Variants in PDE7A observed in about 807,000 individuals in gnomAD.
PDE7A encodes high affinity 3',5'-cyclic-AMP phosphodiesterase 7A.
A neutral mutation model predicts 64.3 loss-of-function variants in PDE7A; 39 were observed. The ratio of observed to expected loss-of-function variants is 0.61; its 90% CI spans 0.47 to 0.79. PDE7A has a LOEUF of 0.79. PDE7A is among the 30% of genes least tolerant of loss of function. The probability of loss-of-function intolerance (pLI) is 0.00; values close to 1 mark genes in which losing one functional copy is unlikely to be tolerated. For missense variants in PDE7A, 470 were observed against 582.8 expected (o/e 0.81, Z 1.99); for synonymous variants, 203 against 206.8 (o/e 0.98, Z 0.16).
At chr8:65,771,613 C>T (rs911107208) in intron 3 of PDE7A, among the ~76,000 whole-genome samples, 2 of 152,022 alleles carry the variant, frequency 1.3e-5, no homozygotes, top group African/African-American at 2.4e-5. Context: ...CGGTGGCTCA[C>T]GCATGTAATC....
At chr8:65,755,026 T>G (rs538785732) in intron 3 of PDE7A, among the ~76,000 whole-genome samples, 2 of 101,424 alleles carry the variant, frequency 2.0e-5, no homozygotes, top group Non-Finnish European at 4.1e-5. Flanking sequence ...TTTCACTTAT[T>G]TTTTTTTTTT....
At chr8:65,769,580 C>T (rs1808977086) in intron 3 of PDE7A, among the ~76,000 whole-genome samples, 2 of 152,156 alleles carry the variant, frequency 1.3e-5, no homozygotes, top group Admixed American at 1.3e-4. Context: ...CAGAACTGGC[C>T]TAAATTTCAG....
At chr8:65,832,750 G>A (rs535171932) in intron 1 of PDE7A, among the ~76,000 whole-genome samples, 2 of 152,250 alleles carry the variant, frequency 1.3e-5, no homozygotes, top group Admixed American at 1.3e-4. Context: ...AGCCTCACAA[G>A]TGTTGGGATT....
At chr8:65,735,200 G>T (rs1482071224) in intron 6 of PDE7A, among the ~76,000 whole-genome samples, 2 of 152,186 alleles carry the variant, frequency 1.3e-5, no homozygotes, top group Non-Finnish European at 2.9e-5. Context: ...TCAAAGGAAA[G>T]CGAGCCTACC....
chr8:65,789,097 C>T, intron 1 of PDE7A: 1 of 1,369,538 alleles, frequency 7.3e-7, no homozygotes, highest in South Asian at 1.9e-5. Flanking sequence ...CAGTGATCAC[C>T]TGACTCCTCT....
In PDE7A at chr8:65,782,834, C is replaced by T; in HGVS notation, c.148G>A (p.Ala50Thr). 6.3e-7 allele frequency: 1 copy of T among 1,576,956 alleles called. No homozygotes were observed. Among genetic ancestry groups the T allele is most frequent in the Non-Finnish European group, 8.7e-7 (1 of 1,148,684 alleles). The change falls in exon 2 of 13, where the codon GCT becomes ACT. Residue 50 changes from alanine (A) to threonine (T), a missense_variant. Ala to Thr is a moderately conservative substitution (Grantham distance 58). Transcript: ENST00000401827. Reference protein sequence around the residue: ...NPRQLSQRRGAISYDSSDQTA... With the variant: ...NPRQLSQRRGTISYDSSDQTA... ...TGATCAGAACTGTCATAGGAAATAG[C>T]TCCACGCCTCTAGAAAAAAAAATAC...
Position 65,739,612 on chromosome 8 carries a change from G to T in PDE7A, c.500-15C>A. 2 of 1,500,910 alleles carry T rather than the reference G, an allele frequency of 1.3e-6. No homozygotes were observed. Among genetic ancestry groups the T allele is most frequent in the African/African-American group, 1.4e-5 (1 of 69,730 alleles). 93.0% of individuals were successfully genotyped at this position (1,500,910 alleles called of 1,614,324 possible). The stretch of plus-strand genomic sequence containing the variant: ...TAGACTATTTCCTAAAAAGAAAGAA[G>T]AGACATTACATTAGTAGGAAATACA... On this transcript the variant is annotated splice_polypyrimidine_tract_variant and intron_variant, in intron 5 of 12. Coordinates refer to ENST00000401827, the MANE Select transcript of PDE7A (RefSeq NM_001242318.3).
In PDE7A at chr8:65,779,794, C is replaced by T. The variant is rs771152957; in HGVS notation, c.209G>A (p.Arg70His). ...TTCAAATCCTGCTCGGCTCCTTACACGTACATCTCCTGGACAGAATCAAGA... is the reference window on the plus strand; with the variant it reads ...TTCAAATCCTGCTCGGCTCCTTACATGTACATCTCCTGGACAGAATCAAGA... ...ALYIRMLGDV[R>H]VRSRAGFESE... Residue 70 changes from arginine (R) to histidine (H), a missense_variant, in exon 3 of 13, where the codon CGT (arginine) becomes CAT (histidine). By Grantham distance (29) the Arg-to-His change is conservative. Coordinates refer to ENST00000401827, the MANE Select transcript of PDE7A (RefSeq NM_001242318.3). 3.8e-6 allele frequency: 6 copies of T among 1,588,978 alleles called. No homozygotes were observed. Among genetic ancestry groups the T allele is most frequent in the Non-Finnish European group, 5.2e-6 (6 of 1,160,436 alleles).
rs1806185063 is a variant in PDE7A, at chr8:65,717,385, A to C, written c.*1905T>G. The C allele has an allele frequency of 6.6e-6, 1 of 152,210 alleles. No homozygotes were observed. The highest frequency in any genetic ancestry group is 2.4e-5 in the African/African-American group (1 of 41,454). The allele number at this position is 152,210 out of a possible 1,614,324, so 9.4% of individuals were successfully genotyped here. On this transcript the variant is annotated 3_prime_UTR_variant, in exon 13 of 13. Coordinates refer to ENST00000401827, the MANE Select transcript of PDE7A (RefSeq NM_001242318.3). ...AAAAGGCCAATGATTGATAGAAATA[A>C]ATACAACTAGTATTTTAGTACTTGC...
chr8:65,758,076 C>G (rs1019497610), intron 3 of PDE7A, among the ~76,000 whole-genome samples: 1 of 152,226 alleles, frequency 6.6e-6, no homozygotes, highest in Admixed American at 6.5e-5. Flanking sequence ...GGTCTCTGTG[C>G]TAGTCCAGAT....
intron 3 of PDE7A, among the ~76,000 whole-genome samples, chr8:65,765,928 G>C (rs545912963): frequency 6.6e-6 from 1 of 152,250 alleles, no homozygotes; most frequent in Non-Finnish European, 1.5e-5. Context: ...CAAATTTAGA[G>C]CAGAAAAGAG....
intron 3 of PDE7A, among the ~76,000 whole-genome samples, chr8:65,774,408 T>C (rs969811609): frequency 1.3e-5 from 2 of 152,168 alleles, no homozygotes; most frequent in Non-Finnish European, 2.9e-5. Context: ...AAACTAATCA[T>C]CAATCTTTTA....
intron 1 of PDE7A, among the ~76,000 whole-genome samples, chr8:65,786,994 T>A (rs1809575393): frequency 6.6e-6 from 1 of 152,202 alleles, no homozygotes; most frequent in African/African-American, 2.4e-5. Context: ...CACAAAAGAT[T>A]TGACTTGAAG....
At position 65,727,191 on chromosome 8, in the gene PDE7A, A is replaced by G. The variant is rs201465547; in HGVS notation, c.807T>C (p.His269=). 174 of 1,606,880 alleles carry G rather than the reference A, an allele frequency of 1.1e-4. No homozygotes were observed. The East Asian group carries it at 2.4e-3, about 22-fold the overall frequency. Residue 269 remains histidine, a synonymous_variant, in exon 8 of 13, where the codon CAT becomes CAC. Coordinates refer to ENST00000401827, the MANE Select transcript of PDE7A (RefSeq NM_001242318.3). ...VNQPFLIKTN[H]YLATLYKNTS... ...TAACCTTGTATAAAGTTGCCAAGTAATGGTTAGTTTTAATAAGGAAAGGTT... is the reference window on the plus strand; with the variant it reads ...TAACCTTGTATAAAGTTGCCAAGTAGTGGTTAGTTTTAATAAGGAAAGGTT...
rs544691905 is a variant in PDE7A, at chr8:65,806,753, T to G, written c.139-23910A>C. ...GCACATGTCAGAAATGCATTCCTTTTCCATGTGGCTGTCCAGTTGTTTAGC... is the reference window on the plus strand; with the variant it reads ...GCACATGTCAGAAATGCATTCCTTTGCCATGTGGCTGTCCAGTTGTTTAGC... On this transcript the variant is annotated intron_variant, in intron 1 of 12. Coordinates refer to ENST00000401827, the MANE Select transcript of PDE7A (RefSeq NM_001242318.3). 1.2e-4 allele frequency among the ~76,000 whole-genome samples: 18 copies of G among 152,368 alleles called. 1 individual carries two copies. In the South Asian group the frequency reaches 1.7e-3, roughly 14 times the overall value.
intron 1 of PDE7A, among the ~76,000 whole-genome samples, chr8:65,839,336 C>T (rs111628686): frequency 3.6e-4 from 46 of 128,354 alleles, no homozygotes; most frequent in African/African-American, 1.7e-3. Flanking sequence ...GTAAAGAAAG[C>T]ATTTGATTAA....
chr8:65,807,948 C>G (rs1810149188), intron 1 of PDE7A, among the ~76,000 whole-genome samples: 1 of 152,124 alleles, frequency 6.6e-6, no homozygotes, highest in Admixed American at 6.6e-5. Context: ...GAATTTGGAA[C>G]AAGTTTTTTG....
At chr8:65,784,712 T>C (rs1247653184) in intron 1 of PDE7A, among the ~76,000 whole-genome samples, 1 of 151,822 alleles carries the variant, frequency 6.6e-6, no homozygotes, top group Non-Finnish European at 1.5e-5. Flanking sequence ...CTAATTTTCC[T>C]CTACTATCCT....
rs534420465 is a variant in PDE7A at position 65,764,197 on chromosome 8, T to C, written c.283+15523A>G. Among the ~76,000 whole-genome samples, 10 of 152,286 alleles carry C rather than the reference T, an allele frequency of 6.6e-5. 1 individual carries two copies. The highest frequency in any genetic ancestry group is 1.9e-4 in the African/African-American group (8 of 41,568). ...ATAGAAAAGACAGGAAAAAGGGACA[T>C]GGGATTATTGTTTCCTGGGATATCG... On this transcript the variant is annotated intron_variant, in intron 3 of 12. Coordinates refer to ENST00000401827, the MANE Select transcript of PDE7A (RefSeq NM_001242318.3).
Sources: gnomAD v4.1 joint callset for allele counts (sites outside exome capture counted in the v4.1 genomes callset) on GRCh38, gnomAD v4.1.1 for gene constraint, MANE v1.5 for transcripts, NCBI Gene and HGNC (gene_info 2026-07-23, HGNC 2026-07-21) for gene names.